Variants in PELI2 observed in about 807,000 individuals in gnomAD.
PELI2 encodes E3 ubiquitin-protein ligase pellino homolog 2.
A neutral mutation model predicts 42.3 loss-of-function variants in PELI2; 23 were observed. That is an observed-to-expected ratio of 0.54 (90% CI 0.39 to 0.77). The LOEUF (loss-of-function observed/expected upper bound fraction) is 0.77, where lower values mean the gene tolerates loss of function less well. PELI2 is among the 30% of genes least tolerant of loss of function. The pLI, the probability that PELI2 is intolerant of heterozygous loss-of-function variation, is 0.00. For missense variants in PELI2, 463 were observed against 553.2 expected, an observed-to-expected ratio of 0.84 and a Z score of 1.64; for synonymous variants, 245 against 212.2, an observed-to-expected ratio of 1.15 and a Z score of -1.34.
intron 5 of PELI2, 106 bp downstream of exon 5, chr14:56,290,562 G>C (rs1321904029): frequency 1.3e-6 from 1 of 765,294 alleles, no homozygotes; most frequent in African/African-American, 1.7e-5. Flanking sequence ...GCAGGTCCAA[G>C]CGCCATGTAC....
At chr14:56,289,845 T>C (rs1889769854) in intron 4 of PELI2, among the ~76,000 whole-genome samples, 1 of 152,242 alleles carries the variant, frequency 6.6e-6, no homozygotes, top group East Asian at 1.9e-4. Flanking sequence ...TCTTTCTTTA[T>C]GACTGTCCTT....
chr14:56,267,822 T>C (rs1888961298), intron 2 of PELI2, among the ~76,000 whole-genome samples: 1 of 152,198 alleles, frequency 6.6e-6, no homozygotes. Flanking sequence ...TTTGCTTCTA[T>C]CACTATAACT....
intron 2 of PELI2, among the ~76,000 whole-genome samples, chr14:56,270,504 G>T (rs2139853635): frequency 6.6e-6 from 1 of 152,222 alleles, no homozygotes; most frequent in Non-Finnish European, 1.5e-5. Flanking sequence ...AATTATACTT[G>T]TCAGCCTGAC....
chr14:56,190,581 C>G (rs1044526413), intron 2 of PELI2, among the ~76,000 whole-genome samples: 1 of 152,090 alleles, frequency 6.6e-6, no homozygotes, highest in Non-Finnish European at 1.5e-5. Context: ...CCAAACACCA[C>G]AGATTAGTTT....
At chr14:56,183,510 T>C (rs1358948778) in intron 2 of PELI2, among the ~76,000 whole-genome samples, 2 of 152,184 alleles carry the variant, frequency 1.3e-5, no homozygotes, top group Admixed American at 6.5e-5. Flanking sequence ...TAAGTATTTA[T>C]TAGGACTTCA....
At chr14:56,236,056 A>C (rs1226274357) in intron 2 of PELI2, among the ~76,000 whole-genome samples, 9 of 152,194 alleles carry the variant, frequency 5.9e-5, no homozygotes, top group African/African-American at 1.7e-4. Flanking sequence ...ACTTTAAAAA[A>C]ATTATCACTT....
At chr14:56,119,111 G>T (rs1882965472) in intron 1 of PELI2, 1 of 152,634 alleles carries the variant, frequency 6.6e-6, no homozygotes, top group African/African-American at 2.4e-5. Context: ...GGGACTCCAT[G>T]TGAGGCGCCG....
At chr14:56,267,813 T>C (rs1223457736) in intron 2 of PELI2, among the ~76,000 whole-genome samples, 2 of 152,188 alleles carry the variant, frequency 1.3e-5, no homozygotes, top group African/African-American at 4.8e-5. Context: ...ATGGGGACTT[T>C]TGCTTCTATC....
At chr14:56,276,985 A>G (rs1889315700) in intron 2 of PELI2, among the ~76,000 whole-genome samples, 1 of 152,016 alleles carries the variant, frequency 6.6e-6, no homozygotes, top group African/African-American at 2.4e-5. Flanking sequence ...CGCTATAAAT[A>G]CCCTTTTTCA....
intron 2 of PELI2, among the ~76,000 whole-genome samples, chr14:56,236,230 C>T (rs912935992): frequency 6.6e-6 from 1 of 152,130 alleles, no homozygotes; most frequent in African/African-American, 2.4e-5. Context: ...AAGCACGTGT[C>T]GAGAGGTGTG....
rs577605454 is a variant in PELI2, at chr14:56,233,263, C to T, written c.208-46413C>T. ...AATTGGAAAAAACTACTTTAAAGTT[C>T]ACATGGAACCGAAAAAAGAGCCCAC... On this transcript the variant is annotated intron_variant, in intron 2 of 5. Transcript: ENST00000267460. Among the ~76,000 whole-genome samples the T allele has an allele frequency of 1.8e-3, 276 of 152,270 alleles. 2 individuals carry two copies. Among genetic ancestry groups the T allele is most frequent in the African/African-American group, 6.4e-3 (267 of 41,540 alleles).
chr14:56,174,923 A>G (rs1388808395), intron 1 of PELI2, among the ~76,000 whole-genome samples: 1 of 152,160 alleles, frequency 6.6e-6, no homozygotes, highest in Non-Finnish European at 1.5e-5. Flanking sequence ...CACAGTGCTG[A>G]ACTGTGTAGT....
intron 2 of PELI2, among the ~76,000 whole-genome samples, chr14:56,275,932 A>G (rs936113897): frequency 2.0e-5 from 3 of 152,168 alleles, no homozygotes; most frequent in African/African-American, 4.8e-5. Context: ...AAAAGACCCT[A>G]CCTGCTCTCC....
intron 2 of PELI2, among the ~76,000 whole-genome samples, chr14:56,230,416 A>G (rs890966296): frequency 1.3e-5 from 2 of 152,256 alleles, no homozygotes; most frequent in African/African-American, 2.4e-5. Context: ...CAGAAACCCT[A>G]CAAGCCAGAA....
rs144712055 is a variant in PELI2, at chr14:56,171,229, G to A, written c.78-7106G>A. ...AGGCGGGACCTATAAGAGGTGATTA[G>A]GTCATGACGGCTCCACCCTTGTAAA... On this transcript the variant is annotated intron_variant, in intron 1 of 5. Transcript: ENST00000267460. Among the ~76,000 whole-genome samples, 6 of 152,256 alleles carry A rather than the reference G, an allele frequency of 3.9e-5. No homozygotes were observed. In the East Asian group the frequency reaches 9.7e-4, roughly 24 times the overall value.
chr14:56,288,077 G>A lies in PELI2; in HGVS notation c.310-360G>A, dbSNP rs1889701237. On this transcript the variant is annotated intron_variant, in intron 3 of 5. Coordinates refer to ENST00000267460, the MANE Select transcript of PELI2 (RefSeq NM_021255.3). The surrounding 1 kb of genome is among the most constrained non-coding windows in gnomAD (Gnocchi z 4.6). ...TCAATACTTAAAATCTAATGAACTA[G>A]TGAGTGGCATAAAGTGAGTTAAGCA... is the stretch of plus-strand genomic sequence containing the variant. 6.6e-6 allele frequency among the ~76,000 whole-genome samples: 1 copy of A among 152,170 alleles called. No homozygotes were observed. Among genetic ancestry groups the A allele is most frequent in the Non-Finnish European group, 1.5e-5 (1 of 68,032 alleles).
At chr14:56,247,092 C>A (rs1166930959) in intron 2 of PELI2, among the ~76,000 whole-genome samples, 1 of 152,080 alleles carries the variant, frequency 6.6e-6, no homozygotes, top group Non-Finnish European at 1.5e-5. Flanking sequence ...ATATAATGGA[C>A]CTGTAGAATT....
At position 56,299,989 on chromosome 14, in the gene PELI2, A is replaced by G. The variant is rs1304452133; in HGVS notation, c.*2823A>G. 6.6e-6 allele frequency: 1 copy of G among 152,644 alleles called. No homozygotes were observed. Among genetic ancestry groups the G allele is most frequent in the African/African-American group, 2.4e-5 (1 of 41,460 alleles). 9.5% of individuals were successfully genotyped at this position (152,644 alleles called of 1,614,324 possible). Reference sequence around the variant, plus strand: ...TATTAATAATCGGTGCTGCCGGGTCATGCATGCTGCAACTCTCAACATTTC... The same window carrying G: ...TATTAATAATCGGTGCTGCCGGGTCGTGCATGCTGCAACTCTCAACATTTC... On this transcript the variant is annotated 3_prime_UTR_variant, in exon 6 of 6. Coordinates refer to ENST00000267460, the MANE Select transcript of PELI2 (RefSeq NM_021255.3).
At chr14:56,247,438 A>G (rs1594680481) in intron 2 of PELI2, among the ~76,000 whole-genome samples, 1 of 152,152 alleles carries the variant, frequency 6.6e-6, no homozygotes, top group South Asian at 2.1e-4. Context: ...TTGAGCATAG[A>G]TCTTTATTCA....
Sources: allele counts gnomAD v4.1 joint callset (sites outside exome capture counted in the v4.1 genomes callset), GRCh38; gene constraint gnomAD v4.1.1; non-coding constraint Gnocchi (gnomAD v3.1); transcripts MANE v1.5; gene names NCBI Gene and HGNC (gene_info 2026-07-23, HGNC 2026-07-21).